CTNNA3: variants seen among roughly 807,000 people sequenced by gnomAD.
The protein encoded by CTNNA3 is catenin alpha-3.
CTNNA3 carries 76 observed loss-of-function variants against 95.7 expected under a neutral mutation model. That is an observed-to-expected ratio of 0.79 (90% confidence interval 0.66 to 0.96). The LOEUF is 0.96. CTNNA3 is among the 40% of genes least tolerant of loss of function. The pLI is 0.00. For missense variants in CTNNA3, 1,191 were observed against 1,089.8 expected (o/e 1.09, Z -1.31); for synonymous variants, 431 against 374.4 (o/e 1.15, Z -1.74).
At chr10:66,157,689 G>A (rs1275963388) in intron 13 of CTNNA3, among the ~76,000 whole-genome samples, 1 of 151,956 alleles carries the variant, frequency 6.6e-6, no homozygotes, top group Non-Finnish European at 1.5e-5. Flanking sequence ...ATACCCAGTA[G>A]TGAGATTACT....
chr10:67,499,430 G>A (rs1283495759), intron 5 of CTNNA3, among the ~76,000 whole-genome samples: 2 of 152,284 alleles, frequency 1.3e-5, no homozygotes, highest in Admixed American at 6.5e-5. Context: ...TTGGTATCAG[G>A]ATGATGTTGG....
At chr10:67,421,267 T>C (rs1446004194) in intron 5 of CTNNA3, among the ~76,000 whole-genome samples, 1 of 152,258 alleles carries the variant, frequency 6.6e-6, no homozygotes, top group Non-Finnish European at 1.5e-5. Context: ...GAGAAATGTC[T>C]GTATAAAATA....
intron 7 of CTNNA3, among the ~76,000 whole-genome samples, chr10:67,015,996 T>C (rs946826566): frequency 6.6e-6 from 1 of 150,730 alleles, no homozygotes; most frequent in Non-Finnish European, 1.5e-5. Flanking sequence ...ACTGAACTCT[T>C]GTTCTGTTTT....
intron 6 of CTNNA3, among the ~76,000 whole-genome samples, chr10:67,209,885 T>C (rs1864069255): frequency 6.7e-6 from 1 of 149,934 alleles, no homozygotes; most frequent in South Asian, 2.1e-4. Context: ...CATGAATGAG[T>C]TTACAAAAGA....
chr10:66,565,145 GAC>G (rs1312733356), intron 10 of CTNNA3, among the ~76,000 whole-genome samples: 2 of 152,050 alleles, frequency 1.3e-5, no homozygotes, highest in Non-Finnish European at 2.9e-5. Context: ...AAAAAAGAAA[GAC>G]ACAATCTGTA....
At chr10:66,312,570 CA>C (rs1835351143) in intron 12 of CTNNA3, among the ~76,000 whole-genome samples, 1 of 149,534 alleles carries the variant, frequency 6.7e-6, no homozygotes, top group Non-Finnish European at 1.5e-5. Flanking sequence ...TTTTTTTAGA[CA>C]GAGTCTCACT....
chr10:66,899,917 G>C (rs1053524749), intron 7 of CTNNA3, among the ~76,000 whole-genome samples: 4 of 152,170 alleles, frequency 2.6e-5, no homozygotes, highest in African/African-American at 9.6e-5. Context: ...CACCTTTGTG[G>C]GCAGGGCATA....
intron 7 of CTNNA3, among the ~76,000 whole-genome samples, chr10:66,993,348 T>C (rs1225129641): frequency 6.6e-6 from 1 of 152,264 alleles, no homozygotes; most frequent in Non-Finnish European, 1.5e-5. Context: ...CCTTATTCTA[T>C]TCCTACAAGT....
intron 7 of CTNNA3, among the ~76,000 whole-genome samples, chr10:67,060,329 A>T (rs528367020): frequency 1.4e-4 from 22 of 152,270 alleles, no homozygotes; most frequent in Non-Finnish European, 1.3e-4. Context: ...AAGTCTTTTT[A>T]AAAAAATTCT....
intron 11 of CTNNA3, among the ~76,000 whole-genome samples, chr10:66,456,989 G>A (rs2093499034): frequency 6.6e-6 from 1 of 152,026 alleles, no homozygotes; most frequent in Admixed American, 6.6e-5. Flanking sequence ...AGCTACTTGG[G>A]AGGCTGAGGT....
chr10:67,712,477 G>T (rs981798157), intron 1 of CTNNA3, among the ~76,000 whole-genome samples: 1 of 152,218 alleles, frequency 6.6e-6, no homozygotes, highest in South Asian at 2.1e-4. Flanking sequence ...CTGGGCCCAG[G>T]GTCCCCGTGC....
intron 7 of CTNNA3, among the ~76,000 whole-genome samples, chr10:67,115,342 G>A (rs887700185): frequency 6.6e-6 from 1 of 151,118 alleles, no homozygotes; most frequent in Non-Finnish European, 1.5e-5. Flanking sequence ...CTGTTGTGGG[G>A]TTGGGGGAGG....
chr10:67,744,963 C>T (rs952062009), intron 1 of CTNNA3, among the ~76,000 whole-genome samples: 1 of 152,048 alleles, frequency 6.6e-6, no homozygotes, highest in African/African-American at 2.4e-5. Flanking sequence ...AATGAGATAC[C>T]ATCTCACACC....
chr10:67,116,567 T>C (rs1024823269), intron 7 of CTNNA3, among the ~76,000 whole-genome samples: 3 of 151,536 alleles, frequency 2.0e-5, no homozygotes, highest in Non-Finnish European at 3.0e-5. Context: ...TGAGGGAGTT[T>C]GGTTGAATTT....
At chr10:66,352,762 T>G (rs922618752) in intron 12 of CTNNA3, among the ~76,000 whole-genome samples, 8 of 152,098 alleles carry the variant, frequency 5.3e-5, no homozygotes, top group African/African-American at 1.7e-4. Flanking sequence ...AACAATATAA[T>G]TCCATTTTAT....
intron 5 of CTNNA3, among the ~76,000 whole-genome samples, chr10:67,362,149 G>T (rs1170635278): frequency 2.0e-5 from 3 of 151,832 alleles, no homozygotes; most frequent in African/African-American, 2.4e-5. Context: ...ACCAATAAAA[G>T]CCCTGAACCA....
chr10:67,196,296 C>A (rs963006199), intron 6 of CTNNA3, among the ~76,000 whole-genome samples: 2 of 151,934 alleles, frequency 1.3e-5, no homozygotes, highest in African/African-American at 4.8e-5. Context: ...ATGATCAATA[C>A]AAATTATTTA....
intron 5 of CTNNA3, among the ~76,000 whole-genome samples, chr10:67,276,731 T>A (rs1026871752): frequency 6.6e-6 from 1 of 152,066 alleles, no homozygotes; most frequent in African/African-American, 2.4e-5. Flanking sequence ...GTGACAGAGA[T>A]GAAACAAGAT....
chr10:67,721,817 G>T (rs1841181239), intron 1 of CTNNA3, among the ~76,000 whole-genome samples: 1 of 152,120 alleles, frequency 6.6e-6, no homozygotes, highest in Non-Finnish European at 1.5e-5. Flanking sequence ...GGCCTTTGAT[G>T]CTGGTGACCT....
Sources: allele counts gnomAD v4.1 joint callset (sites outside exome capture counted in the v4.1 genomes callset), GRCh38; gene constraint gnomAD v4.1.1; transcripts MANE v1.5; gene names NCBI Gene and HGNC (gene_info 2026-07-23, HGNC 2026-07-21).